SIRPB1: variants seen among roughly 807,000 people sequenced by gnomAD.
SIRPB1 encodes the protein signal regulatory protein beta 1.
A neutral mutation model predicts 34.1 loss-of-function variants in SIRPB1; 28 were observed. The observed-to-expected ratio is 0.82, with a 90% CI of 0.61 to 1.12. The LOEUF is 1.12. SIRPB1 is among the 50% of genes most tolerant of loss of function. The pLI, the probability that SIRPB1 is intolerant of heterozygous loss-of-function variation, is 0.00. For missense variants in SIRPB1, 499 were observed against 507.0 expected, an observed-to-expected ratio of 0.98 and a Z score of 0.15; for synonymous variants, 211 against 203.8, an observed-to-expected ratio of 1.04 and a Z score of -0.30.
intron 1 of SIRPB1, among the ~76,000 whole-genome samples, chr20:1,579,505 C>G (rs371524487): frequency 1.3e-5 from 2 of 148,446 alleles, no homozygotes; most frequent in African/African-American, 2.4e-5. Context: ...TTCTCCCTTC[C>G]GGAGACCACG....
intron 4 of SIRPB1, among the ~76,000 whole-genome samples, chr20:1,568,902 A>G (rs79699278): frequency 0.012 from 1,862 of 152,308 alleles, 48 homozygotes; most frequent in African/African-American, 0.043. Flanking sequence ...ACAAAGAGTC[A>G]ATCTTTTGAA....
At chr20:1,617,338 G>A (rs1246210532) in intron 1 of SIRPB1, among the ~76,000 whole-genome samples, 2 of 152,086 alleles carry the variant, frequency 1.3e-5, no homozygotes, top group African/African-American at 4.8e-5. Flanking sequence ...TATACACAAT[G>A]GAATTCTAAT....
intron 4 of SIRPB1, 140 bp downstream of exon 4, chr20:1,570,665 C>T (rs2091217011): frequency 1.4e-6 from 1 of 713,590 alleles, no homozygotes; most frequent in Non-Finnish European, 2.3e-6. Context: ...TAGTGGTGAC[C>T]CATGGAGTGT....
rs1209017805 is a variant in SIRPB1, at chr20:1,563,112, G to GGAACAAT, written c.*2387_*2388insATTGTTC. Among the ~76,000 whole-genome samples the GGAACAAT allele has an allele frequency of 1.3e-5, 2 of 152,194 alleles. No individual in the cohort carries two copies. The highest frequency in any genetic ancestry group is 4.8e-5 in the African/African-American group (2 of 41,444). ...TTCACATGAAAGGATCTTCTGGAGT[G>GGAACAAT]ATTCCACAATATTGAAAATTCAAGG... On this transcript the variant is annotated 3_prime_UTR_variant, in exon 6 of 6. Coordinates refer to ENST00000381605, the MANE Select transcript of SIRPB1 (RefSeq NM_006065.5).
chr20:1,564,673 C>A lies in SIRPB1; in HGVS notation c.*827G>T, dbSNP rs2091104891. ...GCCCTGAAAACCAATTGTTAAATTT[C>A]AGGAATCTTGCAATCTGGTTGTTTA... On this transcript the variant is annotated 3_prime_UTR_variant, in exon 6 of 6. Transcript: ENST00000381605. 8.2e-6 allele frequency: 3 copies of A among 367,496 alleles called. No individual in the cohort carries two copies. The highest frequency in any genetic ancestry group is 9.7e-6 in the Non-Finnish European group (2 of 206,882). 22.8% of individuals were successfully genotyped at this position (367,496 alleles called of 1,614,324 possible).
rs2122252510 is a variant in SIRPB1 at position 1,588,158 on chromosome 20, A to C, written c.77-9464T>G. Among the ~76,000 whole-genome samples the C allele has an allele frequency of 4.1e-5, 2 of 48,548 alleles. 1 individual carries two copies. Among genetic ancestry groups the C allele is most frequent in the African/African-American group, 2.8e-4 (2 of 7,250 alleles). The allele number at this position is 48,548 out of a possible 152,430, so 31.8% of individuals were successfully genotyped here. A position where few individuals can be genotyped will look rare whatever the true frequency, so the allele number is the denominator to read the frequency against. On this transcript the variant is annotated intron_variant, in intron 1 of 5. Transcript: ENST00000381605. ...GTCCAACTCAAGCAGGCACCATTTC[A>C]GACTTCACTTCCTCTGGGTATTGAA...
chr20:1,604,058 G>C lies in SIRPB1; in HGVS notation c.76+15811C>G. The C allele has an allele frequency of 4.9e-6, 3 of 609,728 alleles. 1 individual carries two copies. The highest frequency in any genetic ancestry group is 6.6e-6 in the Non-Finnish European group (3 of 456,440). 37.8% of individuals were successfully genotyped at this position (609,728 alleles called of 1,614,324 possible). ...CAACCAGGTCAGCTGTAGTCTCTGG[G>C]GGTAGAACTTCCTCACCTGGCAGGT... is the stretch of plus-strand genomic sequence containing the variant. On this transcript the variant is annotated intron_variant, in intron 1 of 5. Transcript: ENST00000381605.
chr20:1,604,871 T>A lies in SIRPB1; in HGVS notation c.76+14998A>T. ...AGCACCACCTTGGCTGTGCTGTGGA[T>A]GCTGTAGGACACACTGTCTCCTGCG... is the stretch of plus-strand genomic sequence containing the variant. On this transcript the variant is annotated intron_variant, in intron 1 of 5. Coordinates refer to ENST00000381605, the MANE Select transcript of SIRPB1 (RefSeq NM_006065.5). 12 of 610,528 alleles carry A rather than the reference T, an allele frequency of 2.0e-5. 5 individuals carry two copies. The highest frequency in any genetic ancestry group is 2.6e-5 in the Non-Finnish European group (12 of 456,942). The allele number at this position is 610,528 out of a possible 1,614,324, so 37.8% of individuals were successfully genotyped here.
rs1718253789 is a variant in SIRPB1 at position 1,585,207 on chromosome 20, C to T, written c.77-6513G>A. Reference sequence around the variant, plus strand: ...GGCAATGAATTTTTGGATATGAGCCCCAAAGCACAGGCAACAAAAGCAGAA... The same window carrying T: ...GGCAATGAATTTTTGGATATGAGCCTCAAAGCACAGGCAACAAAAGCAGAA... On this transcript the variant is annotated intron_variant, in intron 1 of 5. Transcript: ENST00000381605. Among the ~76,000 whole-genome samples the T allele has an allele frequency of 4.1e-5, 2 of 48,638 alleles. 1 individual carries two copies. The highest frequency in any genetic ancestry group is 2.7e-4 in the Admixed American group (2 of 7,280). 31.9% of individuals were successfully genotyped at this position (48,638 alleles called of 152,430 possible).
At position 1,564,594 on chromosome 20, in the gene SIRPB1, G is replaced by A. The variant is rs902823627; in HGVS notation, c.*906C>T. 3 of 237,418 alleles carry A rather than the reference G, an allele frequency of 1.3e-5. No homozygotes were observed. The highest frequency in any genetic ancestry group is 2.4e-5 in the Non-Finnish European group (3 of 123,352). 14.7% of individuals were successfully genotyped at this position (237,418 alleles called of 1,614,324 possible). On this transcript the variant is annotated 3_prime_UTR_variant, in exon 6 of 6. Coordinates refer to ENST00000381605, the MANE Select transcript of SIRPB1 (RefSeq NM_006065.5). ...ACAGGGAGGGGTGGTGGAGGTGAGA[G>A]GTGTGGAGAATAGGGATTTAACTCT...
chr20:1,577,406 G>A (rs1476762639), intron 2 of SIRPB1, among the ~76,000 whole-genome samples: 1 of 147,858 alleles, frequency 6.8e-6, no homozygotes, highest in East Asian at 1.9e-4. Context: ...TGTAAAGGGG[G>A]TTGGGCTGGA....
chr20:1,569,307 TA>T (rs1054481368), intron 4 of SIRPB1, among the ~76,000 whole-genome samples: 1 of 152,234 alleles, frequency 6.6e-6, no homozygotes, highest in African/African-American at 2.4e-5. Context: ...AAAAATTTGG[TA>T]AAATGTGAAT....
At chr20:1,572,164 G>A in intron 2 of SIRPB1, 127 bp from the exon 3 acceptor site, 1 of 1,440,582 alleles carries the variant, frequency 6.9e-7, no homozygotes, top group Non-Finnish European at 9.4e-7. Context: ...CGTGAAGGCA[G>A]TGTCCTTATT....
rs1331767438 is a variant in SIRPB1 at position 1,592,030 on chromosome 20, T to C, written c.77-13336A>G. 4.0e-5 allele frequency among the ~76,000 whole-genome samples: 2 copies of C among 49,526 alleles called. 1 individual carries two copies. Among genetic ancestry groups the C allele is most frequent in the East Asian group, 1.2e-3 (2 of 1,728 alleles). The allele number at this position is 49,526 out of a possible 152,430, so 32.5% of individuals were successfully genotyped here. On this transcript the variant is annotated intron_variant, in intron 1 of 5. Coordinates refer to ENST00000381605, the MANE Select transcript of SIRPB1 (RefSeq NM_006065.5). Reference sequence around the variant, plus strand: ...TTCCCGCCTTGCTCTTTCTCTCTCCTGCTGCCATGTAAGACATTCCTTGTT... The same window carrying C: ...TTCCCGCCTTGCTCTTTCTCTCTCCCGCTGCCATGTAAGACATTCCTTGTT...
chr20:1,571,322 G>A (rs1035535641), intron 3 of SIRPB1, among the ~76,000 whole-genome samples, 185 bp from the exon 4 acceptor site: 5 of 152,220 alleles, frequency 3.3e-5, no homozygotes, highest in African/African-American at 1.2e-4. Flanking sequence ...AGTGCCTGGC[G>A]CACAGTAGGT....
At position 1,563,060 on chromosome 20, in the gene SIRPB1, C is replaced by T. The variant is rs2091092957; in HGVS notation, c.*2440G>A. Among the ~76,000 whole-genome samples, 1 of 152,050 alleles carries T rather than the reference C, an allele frequency of 6.6e-6. No individual in the cohort carries two copies. Among genetic ancestry groups the T allele is most frequent in the African/African-American group, 2.4e-5 (1 of 41,392 alleles). ...TGGTAATAAAAGGGCTGAAGATGTC[C>T]CAAAGGTTGAAATGCCAGCAAAAAA... On this transcript the variant is annotated 3_prime_UTR_variant, in exon 6 of 6. Coordinates refer to ENST00000381605, the MANE Select transcript of SIRPB1 (RefSeq NM_006065.5).
chr20:1,571,174 C>T, intron 3 of SIRPB1, 37 bp from the exon 4 acceptor site: 1 of 1,576,708 alleles, frequency 6.3e-7, no homozygotes, highest in Non-Finnish European at 8.7e-7. Context: ...GATCTTGTGG[C>T]ACAGACAGAT....
chr20:1,609,656 G>A (rs1465612256), intron 1 of SIRPB1, among the ~76,000 whole-genome samples: 1 of 72,628 alleles, frequency 1.4e-5, no homozygotes. Context: ...AAGTGGGGCT[G>A]GGCACGGTGG....
rs1210444626 is a variant in SIRPB1, at chr20:1,564,908, G to A, written c.*592C>T. ...GAGGGCTCCTCAATGTTGGGCTGTG[G>A]CAGCATTTCTACCACAAGCAGCAGG... On this transcript the variant is annotated 3_prime_UTR_variant, in exon 6 of 6. Transcript: ENST00000381605. The A allele has an allele frequency of 7.5e-6, 3 of 398,590 alleles. No homozygotes were observed. In the East Asian group the frequency reaches 1.1e-4, roughly 14 times the overall value. 24.7% of individuals were successfully genotyped at this position (398,590 alleles called of 1,614,324 possible).
Sources: allele counts gnomAD v4.1 joint callset (sites outside exome capture counted in the v4.1 genomes callset), GRCh38; gene constraint gnomAD v4.1.1; transcripts MANE v1.5; gene names NCBI Gene and HGNC (gene_info 2026-07-23, HGNC 2026-07-21).